RERE: variants seen among roughly 807,000 people sequenced by gnomAD.
The protein encoded by RERE is arginine-glutamic acid dipeptide repeats.
RERE carries 40 observed loss-of-function variants against 146.1 expected under a neutral mutation model. The observed-to-expected ratio is 0.27, with a 90% CI of 0.21 to 0.36. RERE has a LOEUF of 0.36. Ranked by LOEUF, RERE falls within the 10% of genes least tolerant of loss-of-function variation. The pLI, the probability that RERE is intolerant of heterozygous loss-of-function variation, is 1.00. For synonymous variants in RERE, 1,003 were observed against 866.0 expected (o/e 1.16, Z -2.78); for missense variants, 1,933 against 2,138.7 (o/e 0.90, Z 1.90).
Position 8,362,832 on chromosome 1 carries a change from G to C in RERE, c.1753C>G (p.Arg585Gly). The C allele has an allele frequency of 1.2e-6, 2 of 1,612,450 alleles. No individual in the cohort carries two copies. Among genetic ancestry groups the C allele is most frequent in the Admixed American group, 1.7e-5 (1 of 59,990 alleles). ...RRSRGSMSTL[R>G]SGRKKQPASP... ...GCTGGCTGCTTCTTCCGACCACTGC[G>C]TAGTGTCGACATCTGCCCACCCAAA... The change falls in exon 16 of 23, where the codon CGC (arginine) becomes GGC (glycine). Residue 585 changes from arginine (R) to glycine (G), a missense_variant. Arg to Gly is a moderately radical substitution (Grantham distance 125, BLOSUM62 -2). Transcript: ENST00000400908.
At chr1:8,580,604 G>C (rs969210602) in intron 4 of RERE, among the ~76,000 whole-genome samples, 2 of 152,122 alleles carry the variant, frequency 1.3e-5, no homozygotes, top group East Asian at 3.8e-4. Context: ...ACACTATTTA[G>C]TTTTTATAAA....
chr1:8,408,645 G>A (rs1009780733), intron 12 of RERE, among the ~76,000 whole-genome samples: 1 of 152,144 alleles, frequency 6.6e-6, no homozygotes, highest in Non-Finnish European at 1.5e-5. Flanking sequence ...CCTCTGGGAC[G>A]CACAAATGCC....
chr1:8,650,051 C>T (rs1397489224), intron 2 of RERE, among the ~76,000 whole-genome samples: 4 of 151,850 alleles, frequency 2.6e-5, no homozygotes, highest in African/African-American at 9.7e-5. Context: ...GCAAAGGCCC[C>T]GAGGCAGGCG....
chr1:8,565,665 C>T (rs892079963), intron 4 of RERE, among the ~76,000 whole-genome samples: 11 of 152,106 alleles, frequency 7.2e-5, no homozygotes, highest in African/African-American at 1.4e-4. Context: ...GAGCGGAGAT[C>T]GTGCCACTGC....
At chr1:8,800,652 G>A (rs981002565) in intron 1 of RERE, among the ~76,000 whole-genome samples, 1 of 151,972 alleles carries the variant, frequency 6.6e-6, no homozygotes, top group African/African-American at 2.4e-5. Flanking sequence ...GCCTGAGAAA[G>A]AGAGATTCCG....
At chr1:8,770,919 A>G (rs1640936989) in intron 1 of RERE, among the ~76,000 whole-genome samples, 1 of 152,180 alleles carries the variant, frequency 6.6e-6, no homozygotes, top group Non-Finnish European at 1.5e-5. Flanking sequence ...TATAACACTA[A>G]CATGTTTTCT....
intron 10 of RERE, among the ~76,000 whole-genome samples, chr1:8,480,119 C>G (rs1220289509): frequency 2.2e-5 from 3 of 137,498 alleles, no homozygotes; most frequent in Non-Finnish European, 1.5e-5. Flanking sequence ...TTTATTAAAG[C>G]CTTTTTTTGT....
At chr1:8,567,736 C>G (rs1424975121) in intron 4 of RERE, among the ~76,000 whole-genome samples, 2 of 152,184 alleles carry the variant, frequency 1.3e-5, no homozygotes, top group African/African-American at 4.8e-5. Context: ...AAACTAAGCA[C>G]AGGTAAAACC....
intron 7 of RERE, among the ~76,000 whole-genome samples, chr1:8,532,431 G>A (rs1645668228): frequency 1.4e-5 from 2 of 139,658 alleles, no homozygotes; most frequent in Admixed American, 1.4e-4. Context: ...GGGGGGTCCG[G>A]GGAGGGGGGA....
At chr1:8,584,019 A>G (rs1222339981) in intron 4 of RERE, among the ~76,000 whole-genome samples, 1 of 152,122 alleles carries the variant, frequency 6.6e-6, no homozygotes, top group Non-Finnish European at 1.5e-5. Flanking sequence ...AAAACATGCT[A>G]AAGATATTAT....
intron 8 of RERE, 79 bp downstream of exon 8, chr1:8,508,548 T>C: frequency 4.6e-6 from 5 of 1,098,802 alleles, no homozygotes; most frequent in Non-Finnish European, 6.9e-6. Flanking sequence ...CATTCTAAGA[T>C]GCTGCGCAAC....
chr1:8,725,762 A>G (rs1463211873), intron 1 of RERE, among the ~76,000 whole-genome samples: 2 of 152,168 alleles, frequency 1.3e-5, no homozygotes. Context: ...AAGATGAGTC[A>G]ATAACATAAG....
chr1:8,672,914 A>C (rs2124377457), intron 1 of RERE, among the ~76,000 whole-genome samples: 1 of 152,352 alleles, frequency 6.6e-6, no homozygotes, highest in East Asian at 1.9e-4. Flanking sequence ...TACCAATTCT[A>C]TCTGCAAAAC....
intron 1 of RERE, chr1:8,750,280 T>G: frequency 3.8e-6 from 2 of 527,112 alleles, no homozygotes; most frequent in East Asian, 6.8e-5. Context: ...AATAAATGAA[T>G]GCTTCAATAT....
chr1:8,730,278 C>T (rs920246483), intron 1 of RERE, among the ~76,000 whole-genome samples: 1 of 152,152 alleles, frequency 6.6e-6, no homozygotes, highest in Non-Finnish European at 1.5e-5. Flanking sequence ...GGTTCTAGTC[C>T]GGGTTTTGAC....
At chr1:8,679,725 A>G (rs1213980210) in intron 1 of RERE, among the ~76,000 whole-genome samples, 1 of 152,216 alleles carries the variant, frequency 6.6e-6, no homozygotes, top group Non-Finnish European at 1.5e-5. Flanking sequence ...TCAATAAATT[A>G]CCTCCGTATT....
At chr1:8,790,936 T>C (rs1641353724) in intron 1 of RERE, among the ~76,000 whole-genome samples, 1 of 152,166 alleles carries the variant, frequency 6.6e-6, no homozygotes, top group South Asian at 2.1e-4. Flanking sequence ...CATAATGAAC[T>C]GAAAAACCAA....
Position 8,473,774 on chromosome 1 carries a change from T to C in RERE, c.1105-7751A>G, listed in dbSNP as rs571174836. ...CTAACACCACCAGCCCTCAGCTGGG[T>C]CACAGAAAAATGGAAAGTGCTAAAT... is the stretch of plus-strand genomic sequence containing the variant. On this transcript the variant is annotated intron_variant, in intron 10 of 22. Coordinates refer to ENST00000400908, the MANE Select transcript of RERE (RefSeq NM_001042681.2). Among the ~76,000 whole-genome samples, 9 of 152,312 alleles carry C rather than the reference T, an allele frequency of 5.9e-5. No individual in the cohort carries two copies. The South Asian group carries it at 8.3e-4, about 14-fold the overall frequency.
intron 1 of RERE, among the ~76,000 whole-genome samples, chr1:8,789,301 AATATATATAT>A (rs1553149622): frequency 4.0e-5 from 1 of 24,814 alleles, no homozygotes; most frequent in African/African-American, 2.3e-4. Context: ...AAAAAAAAAA[AATATATATAT>A]ATATATATAT....
Sources: allele counts gnomAD v4.1 joint callset (sites outside exome capture counted in the v4.1 genomes callset), GRCh38; gene constraint gnomAD v4.1.1; transcripts MANE v1.5; gene names NCBI Gene and HGNC (gene_info 2026-07-23, HGNC 2026-07-21).